Variants in EPHA6 observed in about 807,000 individuals in gnomAD.
The protein encoded by EPHA6 is ephrin type-A receptor 6.
A neutral mutation model predicts 112.0 loss-of-function variants in EPHA6; 50 were observed. That is an observed-to-expected ratio of 0.45 (90% confidence interval 0.36 to 0.56). The LOEUF (loss-of-function observed/expected upper bound fraction) is 0.56, where lower values mean the gene tolerates loss of function less well. Among genes scored for constraint, EPHA6 ranks in the 20% least tolerant of loss-of-function variants. The pLI, the probability that EPHA6 is intolerant of heterozygous loss-of-function variation, is 0.00. For synonymous variants in EPHA6, 529 were observed against 490.7 expected (o/e 1.08, Z -1.03); for missense variants, 1,280 against 1,417.4 (o/e 0.90, Z 1.56).
At chr3:97,033,084 A>G (rs1236499464) in intron 3 of EPHA6, among the ~76,000 whole-genome samples, 1 of 151,870 alleles carries the variant, frequency 6.6e-6, no homozygotes, top group Non-Finnish European at 1.5e-5. Context: ...AAGGAAGTAT[A>G]CCAGTACCAC....
chr3:97,294,400 C>A (rs1351438824), intron 5 of EPHA6, among the ~76,000 whole-genome samples: 1 of 152,218 alleles, frequency 6.6e-6, no homozygotes, highest in African/African-American at 2.4e-5. Context: ...TGCATTCAGT[C>A]TCTATGTGTC....
intron 2 of EPHA6, among the ~76,000 whole-genome samples, chr3:96,985,826 T>C (rs1157906449): frequency 6.6e-6 from 1 of 151,896 alleles, no homozygotes; most frequent in Non-Finnish European, 1.5e-5. Context: ...CTGAGGAAAA[T>C]AGGCATTCTG....
At chr3:97,104,328 C>A (rs911420743) in intron 3 of EPHA6, among the ~76,000 whole-genome samples, 5 of 152,156 alleles carry the variant, frequency 3.3e-5, no homozygotes, top group Non-Finnish European at 7.4e-5. Flanking sequence ...TCTTCAATAC[C>A]TAGTTTGCTG....
At chr3:97,521,052 C>G (rs1192550106) in intron 10 of EPHA6, among the ~76,000 whole-genome samples, 1 of 151,480 alleles carries the variant, frequency 6.6e-6, no homozygotes, top group South Asian at 2.1e-4. Context: ...CTGCTTGGTT[C>G]TTTTTTTATA....
chr3:97,546,283 T>A (rs1429282404), intron 11 of EPHA6, among the ~76,000 whole-genome samples: 2 of 152,214 alleles, frequency 1.3e-5, no homozygotes, highest in Admixed American at 6.5e-5. Context: ...CTCTCAGCAT[T>A]TGCTTGTCTG....
intron 5 of EPHA6, among the ~76,000 whole-genome samples, chr3:97,280,626 G>T (rs1301221536): frequency 2.6e-5 from 4 of 152,028 alleles, no homozygotes; most frequent in Non-Finnish European, 5.9e-5. Flanking sequence ...TCAGAACCTG[G>T]TGTGTCAATA....
At chr3:97,508,503 T>C (rs1222881518) in intron 10 of EPHA6, among the ~76,000 whole-genome samples, 7 of 152,212 alleles carry the variant, frequency 4.6e-5, no homozygotes, top group Admixed American at 4.6e-4. Context: ...GAGTTCTAAT[T>C]TGATTGCACT....
At chr3:97,540,024 A>G (rs756118321) in intron 11 of EPHA6, among the ~76,000 whole-genome samples, 12 of 152,118 alleles carry the variant, frequency 7.9e-5, no homozygotes, top group Non-Finnish European at 1.2e-4. Context: ...GATGAAGATG[A>G]GAAGAGATTA....
chr3:97,484,361 C>T (rs975038745), intron 10 of EPHA6, among the ~76,000 whole-genome samples: 28 of 152,016 alleles, frequency 1.8e-4, no homozygotes, highest in Admixed American at 1.0e-3. Context: ...TTTACTTGAG[C>T]GCCAACATGT....
intron 6 of EPHA6, chr3:97,441,517 T>C (rs1472321862): frequency 2.7e-6 from 2 of 749,236 alleles, no homozygotes; most frequent in Non-Finnish European, 3.3e-6. Flanking sequence ...AATTAGAATC[T>C]GTTTGATTAA....
intron 15 of EPHA6, among the ~76,000 whole-genome samples, chr3:97,723,570 C>T (rs1281859546): frequency 2.0e-5 from 3 of 152,146 alleles, no homozygotes; most frequent in Non-Finnish European, 4.4e-5. Flanking sequence ...ACTCTTCCTC[C>T]ACCCAGAGCT....
chr3:97,000,731 T>C, intron 3 of EPHA6, among the ~76,000 whole-genome samples: 1 of 151,802 alleles, frequency 6.6e-6, no homozygotes, highest in East Asian at 1.9e-4. Context: ...TTAAATATTG[T>C]CATGTCAAGT....
intron 3 of EPHA6, among the ~76,000 whole-genome samples, chr3:97,127,362 G>T (rs1284771276): frequency 1.3e-5 from 2 of 152,104 alleles, no homozygotes; most frequent in Non-Finnish European, 2.9e-5. Flanking sequence ...TTCTTCAAGG[G>T]ATGATTAGGA....
chr3:97,013,287 G>A (rs1440691309), intron 3 of EPHA6, among the ~76,000 whole-genome samples: 1 of 151,914 alleles, frequency 6.6e-6, no homozygotes, highest in Non-Finnish European at 1.5e-5. Flanking sequence ...TATTCTTTGT[G>A]TAAAAGTATA....
At chr3:97,482,776 A>G (rs1411613206) in intron 9 of EPHA6, among the ~76,000 whole-genome samples, 1 of 152,256 alleles carries the variant, frequency 6.6e-6, no homozygotes, top group Admixed American at 6.5e-5. Flanking sequence ...AAATCTAAGA[A>G]GCAACAAAAC....
chr3:97,057,492 T>C (rs1559699243), intron 3 of EPHA6, among the ~76,000 whole-genome samples: 1 of 152,164 alleles, frequency 6.6e-6, no homozygotes, highest in Non-Finnish European at 1.5e-5. Context: ...AGCCCCAGTA[T>C]GAAAGGACAG....
chr3:97,539,004 TTTCTTTC>T (rs1479013655), intron 11 of EPHA6, among the ~76,000 whole-genome samples: 2 of 150,172 alleles, frequency 1.3e-5, no homozygotes, highest in Non-Finnish European at 3.0e-5. Flanking sequence ...TCTTTCTTTC[TTTCTTTC>T]TTTCTTTCTT....
intron 5 of EPHA6, among the ~76,000 whole-genome samples, chr3:97,298,844 T>C (rs2108708258): frequency 6.6e-6 from 1 of 152,200 alleles, no homozygotes; most frequent in East Asian, 1.9e-4. Flanking sequence ...TGAAATATAT[T>C]GTCTAAATGT....
At chr3:96,875,331 A>C (rs1201447553) in intron 2 of EPHA6, among the ~76,000 whole-genome samples, 1 of 152,084 alleles carries the variant, frequency 6.6e-6, no homozygotes, top group Admixed American at 6.6e-5. Flanking sequence ...AGGAATATGC[A>C]TAGTTTATTA....
Sources: gnomAD v4.1 joint callset for allele counts (sites outside exome capture counted in the v4.1 genomes callset) on GRCh38, gnomAD v4.1.1 for gene constraint, MANE v1.5 for transcripts, NCBI Gene and HGNC (gene_info 2026-07-23, HGNC 2026-07-21) for gene names.